The following STIL variants were observed in gnomAD, a reference collection of about 807,000 sequenced individuals.
The protein encoded by STIL is SCL-interrupting locus protein.
In STIL, 55 loss-of-function variants were observed where a neutral mutation model predicts 110.1. The ratio of observed to expected loss-of-function variants is 0.50; its 90% confidence interval spans 0.40 to 0.63. STIL has a LOEUF of 0.63. STIL is among the 20% of genes least tolerant of loss of function. The pLI is 0.00. For missense variants in STIL, 1,358 were observed against 1,530.0 expected, an observed-to-expected ratio of 0.89 and a Z score of 1.87; for synonymous variants, 481 against 530.0, an observed-to-expected ratio of 0.91 and a Z score of 1.27.
At chr1:47,264,322 A>G (rs1034153956) in intron 14 of STIL, among the ~76,000 whole-genome samples, 1 of 152,214 alleles carries the variant, frequency 6.6e-6, no homozygotes, top group Non-Finnish European at 1.5e-5. Context: ...TCTGTTGTTT[A>G]TAAGCCAAAA....
chr1:47,293,350 A>G, intron 8 of STIL, 108 bp downstream of exon 8: 2 of 844,044 alleles, frequency 2.4e-6, no homozygotes, highest in East Asian at 2.5e-5. Context: ...GTGTTTATTT[A>G]TAAGTATTGT....
chr1:47,251,410 T>G lies in STIL; in HGVS notation c.3593A>C (p.Asn1198Thr), dbSNP rs1644178459. Residue 1198 changes from asparagine (N) to threonine (T), a missense_variant, in exon 17 of 17, where the codon AAT (asparagine) becomes ACT (threonine). Physicochemically the swap from Asn to Thr is moderately conservative, Grantham distance 65. Transcript: ENST00000371877. ...GTNADTPVLRNITNEVLQTKA... is the reference protein window; with the variant it reads ...GTNADTPVLRTITNEVLQTKA... Reference sequence around the variant, plus strand: ...TGTCTGCAAAACTTCATTTGTAATATTTCTCAATACTGGCGTATCTGCGTT... The same window carrying G: ...TGTCTGCAAAACTTCATTTGTAATAGTTCTCAATACTGGCGTATCTGCGTT... 6.2e-7 allele frequency: 1 copy of G among 1,614,104 alleles called. No homozygotes were observed. Among genetic ancestry groups the G allele is most frequent in the South Asian group, 1.1e-5 (1 of 91,088 alleles).
intron 10 of STIL, among the ~76,000 whole-genome samples, chr1:47,286,425 G>A (rs887379275): frequency 2.6e-5 from 4 of 152,018 alleles, no homozygotes; most frequent in African/African-American, 9.7e-5. Flanking sequence ...TTCTGAGAAA[G>A]AGGCCGGGTG....
At chr1:47,275,629 G>C (rs1021991726) in intron 12 of STIL, among the ~76,000 whole-genome samples, 1 of 149,488 alleles carries the variant, frequency 6.7e-6, no homozygotes, top group African/African-American at 2.5e-5. Flanking sequence ...AAATAAATAA[G>C]ATTTTTTTTT....
At position 47,304,987 on chromosome 1, in the gene STIL, T is replaced by G. The variant is rs780677634; in HGVS notation, c.54A>C (p.Ser18=). The G allele has an allele frequency of 1.2e-6, 2 of 1,613,724 alleles. No homozygotes were observed. Among genetic ancestry groups the G allele is most frequent in the Non-Finnish European group, 1.7e-6 (2 of 1,179,668 alleles). ...ARPQMNTRFP[S]SRMVPFHFPP... The stretch of plus-strand genomic sequence containing the variant: ...GAAAGTGGAAAGGTACCATCCTGCT[T>G]GAAGGAAACCTTTTGAAAAAACAAT... Residue 18 remains serine, a synonymous_variant, in exon 3 of 17, where the codon TCA becomes TCC. Transcript: ENST00000371877.
At chr1:47,271,935 C>T (rs1644852537) in intron 13 of STIL, 141 bp downstream of exon 13, 1 of 802,816 alleles carries the variant, frequency 1.2e-6, no homozygotes, top group South Asian at 1.7e-5. Context: ...ACTAAAATCA[C>T]ACAAAAACTT....
chr1:47,260,237 T>G, intron 16 of STIL, 52 bp downstream of exon 16: 2 of 1,512,386 alleles, frequency 1.3e-6, no homozygotes, highest in South Asian at 1.3e-5. Flanking sequence ...TAAATAAAAA[T>G]TTTTAAAAAA....
rs564740427 is a variant in STIL at position 47,265,717 on chromosome 1, G to A, written c.2616-2601C>T. Among the ~76,000 whole-genome samples, 4 of 150,194 alleles carry A rather than the reference G, an allele frequency of 2.7e-5. No homozygotes were observed. The East Asian group carries it at 8.1e-4, about 30-fold the overall frequency. On this transcript the variant is annotated intron_variant, in intron 14 of 16. Coordinates refer to ENST00000371877, the MANE Select transcript of STIL (RefSeq NM_001048166.1). ...AACTGCTTGTACCCGGGAGGCGGAGGGTGCAGTGAGCTGAGCTGAGATTGC... is the reference window on the plus strand; with the variant it reads ...AACTGCTTGTACCCGGGAGGCGGAGAGTGCAGTGAGCTGAGCTGAGATTGC...
intron 7 of STIL, among the ~76,000 whole-genome samples, chr1:47,295,495 A>G (rs1033908189): frequency 6.6e-5 from 10 of 152,134 alleles, no homozygotes; most frequent in African/African-American, 2.2e-4. Context: ...CACGAGAATC[A>G]CTTGAACCTG....
chr1:47,302,363 C>A lies in STIL; in HGVS notation c.153-17G>T. On this transcript the variant is annotated splice_polypyrimidine_tract_variant and intron_variant, in intron 3 of 16. Coordinates refer to ENST00000371877, the MANE Select transcript of STIL (RefSeq NM_001048166.1). The stretch of plus-strand genomic sequence containing the variant: ...TTTGGATTTCTGAAAAACAACAAGT[C>A]TTTTATGAATATGGTAGACCTCATA... 1 of 1,588,938 alleles carries A rather than the reference C, an allele frequency of 6.3e-7. No homozygotes were observed. Among genetic ancestry groups the A allele is most frequent in the Non-Finnish European group, 8.6e-7 (1 of 1,157,252 alleles).
Position 47,289,080 on chromosome 1 carries a change from A to AAAC in STIL, c.1023+354_1023+355insGTT, listed in dbSNP as rs1553178428. On this transcript the variant is annotated intron_variant, in intron 9 of 16. Coordinates refer to ENST00000371877, the MANE Select transcript of STIL (RefSeq NM_001048166.1). ...CCATCTCAAAAAAAAAAAAAAAAAA[A>AAAC]AAAAAACATCAGGACAAAGAAAAGT... 2.1e-4 allele frequency among the ~76,000 whole-genome samples: 29 copies of AAAC among 136,544 alleles called. 1 individual carries two copies. The highest frequency in any genetic ancestry group is 7.7e-4 in the African/African-American group (27 of 35,022). The allele number at this position is 136,544 out of a possible 152,430, so 89.6% of individuals were successfully genotyped here. A position where few individuals can be genotyped will look rare whatever the true frequency, so the allele number is the denominator to read the frequency against.
Position 47,280,386 on chromosome 1 carries a change from T to C in STIL, c.2072A>G (p.His691Arg), listed in dbSNP as rs1421787108. 1.2e-6 allele frequency: 2 copies of C among 1,614,240 alleles called. No individual in the cohort carries two copies. Among genetic ancestry groups the C allele is most frequent in the Admixed American group, 1.7e-5 (1 of 60,032 alleles). ...AGGCTGTGGGTTACATAAGTCCATA[T>C]GTGAAGGCGGTCTTGCCACAGGCGA... is the stretch of plus-strand genomic sequence containing the variant. Reference protein sequence around the residue: ...EPSPVARPPSHMDLCNPQPCT... With the variant: ...EPSPVARPPSRMDLCNPQPCT... Residue 691 changes from histidine (H) to arginine (R), a missense_variant, in exon 12 of 17, where the codon CAT becomes CGT. Physicochemically the swap from His to Arg is conservative, Grantham distance 29. Coordinates refer to ENST00000371877, the MANE Select transcript of STIL (RefSeq NM_001048166.1).
chr1:47,298,273 T>C (rs755617189), intron 6 of STIL, among the ~76,000 whole-genome samples: 4 of 152,214 alleles, frequency 2.6e-5, no homozygotes, highest in Non-Finnish European at 5.9e-5. Flanking sequence ...CAGTCTCTGG[T>C]CAAACTTTAA....
At chr1:47,311,391 C>T (rs1646122141) in intron 1 of STIL, among the ~76,000 whole-genome samples, 1 of 150,648 alleles carries the variant, frequency 6.6e-6, no homozygotes, top group Non-Finnish European at 1.5e-5. Flanking sequence ...CTCAGGTGAT[C>T]CTCCCACCTC....
At chr1:47,255,501 A>G (rs1341210510) in intron 16 of STIL, among the ~76,000 whole-genome samples, 1 of 145,352 alleles carries the variant, frequency 6.9e-6, no homozygotes, top group African/African-American at 2.5e-5. Flanking sequence ...TTGAGCCATG[A>G]TTGTGCCACT....
intron 9 of STIL, among the ~76,000 whole-genome samples, chr1:47,288,485 CAG>C (rs1457882166): frequency 5.3e-5 from 8 of 151,868 alleles, no homozygotes; most frequent in Admixed American, 3.3e-4. Flanking sequence ...TTAGTAGAGA[CAG>C]AGTTTCACCA....
chr1:47,266,777 A>G (rs1644667109), intron 14 of STIL, among the ~76,000 whole-genome samples: 1 of 152,196 alleles, frequency 6.6e-6, no homozygotes, highest in Non-Finnish European at 1.5e-5. Context: ...CACTCTTAAC[A>G]TCCTTCAGTT....
At chr1:47,303,249 G>A (rs946139118) in intron 3 of STIL, among the ~76,000 whole-genome samples, 17 of 152,030 alleles carry the variant, frequency 1.1e-4, no homozygotes, top group African/African-American at 3.9e-4. Flanking sequence ...TCATATATAT[G>A]GTACACCGCC....
chr1:47,256,801 CCTGA>C (rs1420792543), intron 16 of STIL, among the ~76,000 whole-genome samples: 18 of 151,918 alleles, frequency 1.2e-4, no homozygotes, highest in Admixed American at 1.2e-3. Flanking sequence ...TCGAGACCAG[CCTGA>C]CTAACATGGA....
Sources: allele counts gnomAD v4.1 joint callset (sites outside exome capture counted in the v4.1 genomes callset), GRCh38; gene constraint gnomAD v4.1.1; transcripts MANE v1.5; gene names NCBI Gene and HGNC (gene_info 2026-07-23, HGNC 2026-07-21).